The following THOC5 variants were observed in gnomAD, a reference collection of about 807,000 sequenced individuals.
THOC5 encodes the protein THO complex subunit 5.
In THOC5, 43 loss-of-function variants were observed where a neutral mutation model predicts 92.9. The ratio of observed to expected loss-of-function variants is 0.46; its 90% confidence interval spans 0.36 to 0.60. The LOEUF is 0.60. Ranked by LOEUF, THOC5 falls within the 20% of genes least tolerant of loss-of-function variation. The pLI, the probability that THOC5 is intolerant of heterozygous loss-of-function variation, is 0.00. For synonymous variants in THOC5, 296 were observed against 320.1 expected (o/e 0.92, Z 0.80); for missense variants, 659 against 849.4 (o/e 0.78, Z 2.79).
intron 6 of THOC5, 54 bp from the exon 7 acceptor site, chr22:29,536,792 C>A: frequency 1.0e-6 from 1 of 966,008 alleles, no homozygotes; most frequent in Non-Finnish European, 1.7e-6. Flanking sequence ...GATACCTCAA[C>A]ATGCCTGTTC....
chr22:29,548,122 G>C (rs192194005), intron 2 of THOC5, among the ~76,000 whole-genome samples: 1 of 152,072 alleles, frequency 6.6e-6, no homozygotes. Context: ...TTACCTCCTC[G>C]TAGGTCCCTC....
intron 1 of THOC5, among the ~76,000 whole-genome samples, chr22:29,551,857 G>T (rs981010527): frequency 7.2e-6 from 1 of 138,412 alleles, no homozygotes; most frequent in East Asian, 2.2e-4. Context: ...ACTGTACTGC[G>T]GCCATCTCGG....
In THOC5 at chr22:29,516,009, G is replaced by A. The variant is rs548541586; in HGVS notation, c.1681+1020C>T. The stretch of plus-strand genomic sequence containing the variant: ...CAAAAAATCTTAGCTGAGCATGGTA[G>A]CATACCTGTAGTCGCAGCTACTCAG... On this transcript the variant is annotated intron_variant, in intron 17 of 19. Coordinates refer to ENST00000490103, the MANE Select transcript of THOC5 (RefSeq NM_003678.5). Among the ~76,000 whole-genome samples, 71 of 152,226 alleles carry A rather than the reference G, an allele frequency of 4.7e-4. 1 individual carries two copies. The South Asian group carries it at 0.014, about 30-fold the overall frequency.
At position 29,544,467 on chromosome 22, in the gene THOC5, T is replaced by C. The variant is rs1222541425; in HGVS notation, c.233A>G (p.Lys78Arg). Residue 78 changes from lysine to arginine, a missense_variant, in exon 3 of 20, where the codon AAG (lysine) becomes AGG (arginine). By Grantham distance (26) the Lys-to-Arg change is conservative. Coordinates refer to ENST00000490103, the MANE Select transcript of THOC5 (RefSeq NM_003678.5). Reference sequence around the variant, plus strand: ...CCTGGTCCCACTCCTTACCACATCCTTGCCACCCCTGCTCTTCAGGTCTTG... The same window carrying C: ...CCTGGTCCCACTCCTTACCACATCCCTGCCACCCCTGCTCTTCAGGTCTTG... Reference protein sequence around the residue: ...EIQDLKSRGGKDVAIEIEERR... With the variant: ...EIQDLKSRGGRDVAIEIEERR... 2 of 1,613,088 alleles carry C rather than the reference T, an allele frequency of 1.2e-6. No individual in the cohort carries two copies. Among genetic ancestry groups the C allele is most frequent in the Non-Finnish European group, 1.7e-6 (2 of 1,179,760 alleles).
intron 9 of THOC5, chr22:29,528,939 T>G (rs2063598017): frequency 1.8e-6 from 1 of 569,442 alleles, no homozygotes; most frequent in Non-Finnish European, 3.1e-6. Context: ...TTAAATACCT[T>G]CCTCGGGGTC....
At chr22:29,512,166 C>T (rs370068509) in intron 17 of THOC5, 30 bp from the exon 18 acceptor site, 10 of 1,583,050 alleles carry the variant, frequency 6.3e-6, no homozygotes, top group Non-Finnish European at 8.7e-6. Flanking sequence ...GGGAAATGCG[C>T]AGTTCTAAGA....
At chr22:29,512,215 C>G in intron 17 of THOC5, 79 bp from the exon 18 acceptor site, 1 of 1,063,408 alleles carries the variant, frequency 9.4e-7, no homozygotes, top group Non-Finnish European at 1.4e-6. Flanking sequence ...CACTGCACCC[C>G]TGAGGCTAGC....
At chr22:29,514,612 G>A (rs529673538) in intron 17 of THOC5, among the ~76,000 whole-genome samples, 18 of 151,522 alleles carry the variant, frequency 1.2e-4, no homozygotes, top group African/African-American at 3.4e-4. Flanking sequence ...CACCGCACCC[G>A]GCCATGACTG....
chr22:29,552,809 G>A (rs183868927), intron 1 of THOC5, among the ~76,000 whole-genome samples: 5 of 152,340 alleles, frequency 3.3e-5, no homozygotes, highest in Admixed American at 3.3e-4. Flanking sequence ...GGGGGGAAAT[G>A]TGGGGAAAAG....
intron 8 of THOC5, among the ~76,000 whole-genome samples, chr22:29,529,744 A>C (rs943446260): frequency 4.6e-5 from 7 of 152,272 alleles, no homozygotes; most frequent in African/African-American, 1.7e-4. Context: ...CTTGCAGTCC[A>C]GTTCCAGACC....
At position 29,528,041 on chromosome 22, in the gene THOC5, G is replaced by A. The variant is rs748110729; in HGVS notation, c.1066+37C>T. On this transcript the variant is annotated intron_variant, in intron 11 of 19. Coordinates refer to ENST00000490103, the MANE Select transcript of THOC5 (RefSeq NM_003678.5). ...CCTGCAGCTGGGTGAACTCTTAGGT[G>A]CTACAGATCCCTTAAACAAGGTGAG... is the stretch of plus-strand genomic sequence containing the variant. The A allele has an allele frequency of 8.7e-6, 14 of 1,606,398 alleles. 1 individual carries two copies. In the South Asian group the frequency reaches 1.5e-4, roughly 18 times the overall value.
At chr22:29,509,643 A>G (rs1987242014) in intron 19 of THOC5, among the ~76,000 whole-genome samples, 4 of 150,772 alleles carry the variant, frequency 2.7e-5, no homozygotes, top group Admixed American at 1.3e-4. Context: ...GGCACTGTTT[A>G]GACTGACAGG....
In THOC5 at chr22:29,519,036, G is replaced by C. The variant is rs957238717; in HGVS notation, c.1459C>G (p.Leu487Val). ...KLLKTRVQSR[L>V]ALHKQFASLE... Reference sequence around the variant, plus strand: ...GATGCAAACTGTTTGTGGAGGGCCAGGCGGGACTGCACCCTGGTCTTCAGA... The same window carrying C: ...GATGCAAACTGTTTGTGGAGGGCCACGCGGGACTGCACCCTGGTCTTCAGA... The change falls in exon 15 of 20, where the codon CTG (leucine) becomes GTG (valine). Residue 487 changes from leucine (L) to valine (V), a missense_variant. Physicochemically the swap from Leu to Val is conservative, Grantham distance 32. Coordinates refer to ENST00000490103, the MANE Select transcript of THOC5 (RefSeq NM_003678.5). 3.7e-6 allele frequency: 6 copies of C among 1,609,482 alleles called. No individual in the cohort carries two copies. Among genetic ancestry groups the C allele is most frequent in the Non-Finnish European group, 4.2e-6 (5 of 1,177,844 alleles).
Position 29,518,516 on chromosome 22 carries a change from A to G in THOC5, c.1489+490T>C, listed in dbSNP as rs561757573. Among the ~76,000 whole-genome samples the G allele has an allele frequency of 1.2e-4, 18 of 152,318 alleles. 1 individual carries two copies. Among genetic ancestry groups the G allele is most frequent in the African/African-American group, 4.3e-4 (18 of 41,578 alleles). On this transcript the variant is annotated intron_variant, in intron 15 of 19. Transcript: ENST00000490103. ...CATAGGCTCAGCCTCACCCTGGGGA[A>G]CACGAGGTCAGTAGGCCTTGGGGAA...
chr22:29,523,311 T>C (rs911106055), intron 12 of THOC5, among the ~76,000 whole-genome samples: 1 of 151,936 alleles, frequency 6.6e-6, no homozygotes, highest in Non-Finnish European at 1.5e-5. Context: ...TTTTTAAAAA[T>C]TCTCTAATGA....
In THOC5 at chr22:29,519,028, G is replaced by A. The variant is rs143721409; in HGVS notation, c.1467C>T (p.Leu489=). 13 of 1,607,174 alleles carry A rather than the reference G, an allele frequency of 8.1e-6. No individual in the cohort carries two copies. Among genetic ancestry groups the A allele is most frequent in the Non-Finnish European group, 9.3e-6 (11 of 1,176,634 alleles). Residue 489 remains leucine (L), a synonymous_variant, in exon 15 of 20, where the codon CTC becomes CTT. Transcript: ENST00000490103. ...TACCTAGGGATGCAAACTGTTTGTG[G>A]AGGGCCAGGCGGGACTGCACCCTGG... The part of the protein sequence containing the change: ...LKTRVQSRLA[L]HKQFASLEHG...
intron 5 of THOC5, 124 bp from the exon 6 acceptor site, chr22:29,539,600 T>G: frequency 9.7e-7 from 1 of 1,029,368 alleles, no homozygotes; most frequent in Non-Finnish European, 1.4e-6. Flanking sequence ...TGGAATCCAG[T>G]CTTCTCCACA....
chr22:29,523,119 G>C (rs1353073371), intron 12 of THOC5, among the ~76,000 whole-genome samples: 1 of 152,004 alleles, frequency 6.6e-6, no homozygotes, highest in East Asian at 1.9e-4. Context: ...GCGCATGCCT[G>C]TAATCCCAGC....
chr22:29,519,965 G>C (rs1458240506), intron 14 of THOC5, 43 bp downstream of exon 14: 1 of 1,531,930 alleles, frequency 6.5e-7, no homozygotes, highest in Admixed American at 1.7e-5. Flanking sequence ...AGGAAGAGAA[G>C]AGGTAAGCTC....
Sources: gnomAD v4.1 joint callset for allele counts (sites outside exome capture counted in the v4.1 genomes callset) on GRCh38, gnomAD v4.1.1 for gene constraint, MANE v1.5 for transcripts, NCBI Gene and HGNC (gene_info 2026-07-23, HGNC 2026-07-21) for gene names.